The following RIC8B variants were observed in gnomAD, a reference collection of about 807,000 sequenced individuals.
RIC8B encodes RIC8 guanine nucleotide exchange factor B.
A neutral mutation model predicts 57.5 loss-of-function variants in RIC8B; 16 were observed. That is an observed-to-expected ratio of 0.28 (90% confidence interval 0.19 to 0.42). The LOEUF (loss-of-function observed/expected upper bound fraction) is 0.42, where lower values mean the gene tolerates loss of function less well. Ranked by LOEUF, RIC8B falls within the 10% of genes least tolerant of loss-of-function variation. RIC8B has a pLI of 1.00. For synonymous variants in RIC8B, 216 were observed against 250.8 expected (o/e 0.86, Z 1.31); for missense variants, 481 against 677.0 (o/e 0.71, Z 3.21).
chr12:106,780,074 C>A (rs2043696590), intron 1 of RIC8B, among the ~76,000 whole-genome samples: 1 of 152,042 alleles, frequency 6.6e-6, no homozygotes, highest in Non-Finnish European at 1.5e-5. Context: ...TGATTATCAA[C>A]AACAAACTGT....
chr12:106,878,211 G>A (rs1950755206), intron 9 of RIC8B, among the ~76,000 whole-genome samples: 1 of 152,040 alleles, frequency 6.6e-6, no homozygotes, highest in South Asian at 2.1e-4. Flanking sequence ...GTCAGCTCTA[G>A]GAAGTCATTA....
At chr12:106,789,341 C>T (rs1447382080) in intron 2 of RIC8B, among the ~76,000 whole-genome samples, 1 of 152,192 alleles carries the variant, frequency 6.6e-6, no homozygotes, top group African/African-American at 2.4e-5. Flanking sequence ...CTGTTCCAAC[C>T]TCTGCCTGAT....
chr12:106,793,957 A>G (rs2044366730), intron 2 of RIC8B, among the ~76,000 whole-genome samples: 1 of 152,016 alleles, frequency 6.6e-6, no homozygotes, highest in African/African-American at 2.4e-5. Context: ...AGCAGGCACC[A>G]AAAACTGCCT....
At chr12:106,788,437 G>C (rs1443619864) in intron 2 of RIC8B, among the ~76,000 whole-genome samples, 1 of 152,186 alleles carries the variant, frequency 6.6e-6, no homozygotes, top group Non-Finnish European at 1.5e-5. Flanking sequence ...GACTCCGTGT[G>C]GGGGCTCTGA....
At chr12:106,859,549 T>C (rs1337950726) in intron 7 of RIC8B, among the ~76,000 whole-genome samples, 1 of 151,464 alleles carries the variant, frequency 6.6e-6, no homozygotes, top group African/African-American at 2.4e-5. Context: ...TTTCATACTT[T>C]GCATATATTA....
Position 106,842,680 on chromosome 12 carries a change from A to C in RIC8B, c.928A>C (p.Thr310Pro), listed in dbSNP as rs542197696. The stretch of plus-strand genomic sequence containing the variant: ...CCATGAAGAAACAGCCCAAGAGGCA[A>C]CGACTCTAGATGAACTGCCCAGTAA... Reference protein sequence around the residue: ...LTHEETAQEATTLDELPSNKT... With the variant: ...LTHEETAQEAPTLDELPSNKT... Residue 310 changes from threonine (T) to proline (P), a missense_variant, in exon 5 of 10, where the codon ACG becomes CCG. Transcript: ENST00000392837. 6.2e-7 allele frequency: 1 copy of C among 1,614,014 alleles called. No homozygotes were observed.
intron 9 of RIC8B, among the ~76,000 whole-genome samples, chr12:106,878,603 A>G (rs1420142062): frequency 6.6e-6 from 1 of 152,168 alleles, no homozygotes; most frequent in Non-Finnish European, 1.5e-5. Flanking sequence ...TGAAATGGCT[A>G]ATTTAAACTG....
At chr12:106,832,354 G>A (rs2046387555) in intron 4 of RIC8B, among the ~76,000 whole-genome samples, 1 of 152,086 alleles carries the variant, frequency 6.6e-6, no homozygotes, top group African/African-American at 2.4e-5. Context: ...GATCGCCTGA[G>A]GTCATGAGTT....
chr12:106,811,456 T>C (rs1275724546), intron 2 of RIC8B, among the ~76,000 whole-genome samples: 3 of 152,180 alleles, frequency 2.0e-5, no homozygotes. Flanking sequence ...CAACAGTCTG[T>C]TTTTTAAAAG....
At chr12:106,875,485 C>G (rs1950619945) in intron 9 of RIC8B, among the ~76,000 whole-genome samples, 1 of 152,120 alleles carries the variant, frequency 6.6e-6, no homozygotes, top group Non-Finnish European at 1.5e-5. Flanking sequence ...ATAGTGGTGC[C>G]TCCTCTAGAA....
At chr12:106,823,584 A>C in intron 3 of RIC8B, 1 of 366,692 alleles carries the variant, frequency 2.7e-6, no homozygotes, top group South Asian at 2.3e-5. Context: ...ATTTAAAGGG[A>C]AGTGTATTCC....
At chr12:106,872,519 T>A (rs936369682) in intron 9 of RIC8B, among the ~76,000 whole-genome samples, 2 of 151,820 alleles carry the variant, frequency 1.3e-5, no homozygotes, top group Admixed American at 6.6e-5. Flanking sequence ...AAATACAAAT[T>A]TAGCCGGGTG....
At chr12:106,853,133 A>G (rs933145669) in intron 7 of RIC8B, among the ~76,000 whole-genome samples, 2 of 152,110 alleles carry the variant, frequency 1.3e-5, no homozygotes, top group African/African-American at 4.8e-5. Context: ...ATACCTTTAA[A>G]AAGTTTTAAA....
At chr12:106,843,972 T>G (rs762065284) in intron 6 of RIC8B, 25 bp downstream of exon 6, 1 of 1,465,708 alleles carries the variant, frequency 6.8e-7, no homozygotes. Context: ...CATATTACAT[T>G]GCAAAGTTAG....
At chr12:106,875,847 G>T (rs1950637646) in intron 9 of RIC8B, among the ~76,000 whole-genome samples, 1 of 151,934 alleles carries the variant, frequency 6.6e-6, no homozygotes, top group South Asian at 2.1e-4. Flanking sequence ...ATAAATGCAG[G>T]CACCAGATAT....
chr12:106,851,617 C>G, intron 7 of RIC8B, 23 bp downstream of exon 7: 1 of 1,603,146 alleles, frequency 6.2e-7, no homozygotes, highest in Non-Finnish European at 8.5e-7. Context: ...CTCTTTGCCT[C>G]TGCCTTTTAT....
At chr12:106,780,519 T>C (rs772411405) in intron 1 of RIC8B, among the ~76,000 whole-genome samples, 1 of 152,244 alleles carries the variant, frequency 6.6e-6, no homozygotes, top group Admixed American at 6.5e-5. Flanking sequence ...TCCAGGACCA[T>C]GTAAGAGGAC....
chr12:106,803,672 A>G (rs1250606334), intron 2 of RIC8B, among the ~76,000 whole-genome samples: 1 of 152,156 alleles, frequency 6.6e-6, no homozygotes, highest in Non-Finnish European at 1.5e-5. Flanking sequence ...TAATCTATTC[A>G]TCTTTATCTG....
intron 4 of RIC8B, 59 bp from the exon 5 acceptor site, chr12:106,842,527 TTTG>T: frequency 7.5e-7 from 1 of 1,329,738 alleles, no homozygotes; most frequent in Non-Finnish European, 1.1e-6. Context: ...TCTTATTATG[TTTG>T]CATTTTAAAG....
Sources: gnomAD v4.1 joint callset for allele counts (sites outside exome capture counted in the v4.1 genomes callset) on GRCh38, gnomAD v4.1.1 for gene constraint, MANE v1.5 for transcripts, NCBI Gene and HGNC (gene_info 2026-07-23, HGNC 2026-07-21) for gene names.